The following CASZ1 variants were observed in gnomAD, a reference collection of about 807,000 sequenced individuals.
CASZ1 encodes castor zinc finger 1, also known as zinc finger protein castor homolog 1.
In CASZ1, 28 loss-of-function variants were observed where a neutral mutation model predicts 135.2. The ratio of observed to expected loss-of-function variants is 0.21; its 90% confidence interval spans 0.15 to 0.28. The LOEUF is 0.28. Ranked by LOEUF, CASZ1 falls within the 10% of genes least tolerant of loss-of-function variation. The probability of loss-of-function intolerance (pLI) is 1.00; values close to 1 mark genes in which losing one functional copy is unlikely to be tolerated. For synonymous variants in CASZ1, 1,068 were observed against 1,073.4 expected (o/e 0.99, Z 0.10); for missense variants, 2,161 against 2,453.3 (o/e 0.88, Z 2.52).
Position 10,638,971 on chromosome 1 carries a change from G to GGCCGGGGGCGCCCAGGGCC in CASZ1, c.5232_5250dup (p.Pro1751GlyfsTer82), listed in dbSNP as rs1642090024. The GGCCGGGGGCGCCCAGGGCC allele has an allele frequency of 1.0e-6, 1 of 981,294 alleles. No individual in the cohort carries two copies. The highest frequency in any genetic ancestry group is 1.2e-6 in the Non-Finnish European group (1 of 828,660). 60.8% of individuals were successfully genotyped at this position (981,294 alleles called of 1,614,324 possible). A position where few individuals can be genotyped will look rare whatever the true frequency, so the allele number is the denominator to read the frequency against. ...GGCGAGGAGGCTGCAGTGGGCGCGGGGCCGGGGGCGCCCAGGGCCGCCAGC... is the reference window on the plus strand; with the variant it reads ...GGCGAGGAGGCTGCAGTGGGCGCGGGGCCGGGGGCGCCCAGGGCCGCCGGGGGCGCCCAGGGCCGCCAGC... On this transcript the variant is annotated frameshift_variant, in exon 21 of 21. Transcript: ENST00000377022. LOFTEE classifies it high-confidence loss of function. The surrounding 1 kb of genome is among the most constrained non-coding windows in gnomAD (Gnocchi z 5.9).
chr1:10,702,962 C>CAGAGAGAG (rs142859359), intron 3 of CASZ1, among the ~76,000 whole-genome samples: 3,358 of 142,794 alleles, frequency 0.024, 99 homozygotes, highest in East Asian at 0.089. Flanking sequence ...GAGGGAGAGG[C>CAGAGAGAG]AGAGAGAGAG....
At chr1:10,659,148 G>A (rs775925841) in intron 6 of CASZ1, among the ~76,000 whole-genome samples, 3 of 152,128 alleles carry the variant, frequency 2.0e-5, no homozygotes, top group Non-Finnish European at 2.9e-5. Context: ...ACCTAACCCC[G>A]GTCACTACCT....
At chr1:10,682,404 C>T (rs1044035009) in intron 4 of CASZ1, among the ~76,000 whole-genome samples, 4 of 152,018 alleles carry the variant, frequency 2.6e-5, no homozygotes, top group African/African-American at 7.2e-5. Context: ...TCAAGGGCCC[C>T]GGAAGACTCC....
At chr1:10,712,854 T>C (rs1235120855) in intron 2 of CASZ1, among the ~76,000 whole-genome samples, 5 of 152,150 alleles carry the variant, frequency 3.3e-5, no homozygotes, top group African/African-American at 1.2e-4. Context: ...CCCAGATAAC[T>C]TTTGCTGCCG....
rs763476319 is a variant in CASZ1, at chr1:10,653,966, G to C, written c.2091C>G (p.Ile697Met). 3 of 1,613,928 alleles carry C rather than the reference G, an allele frequency of 1.9e-6. No individual in the cohort carries two copies. Among genetic ancestry groups the C allele is most frequent in the Middle Eastern group, 1.6e-4 (1 of 6,062 alleles). ...GCAGCCCCAGCGCGCCCGAGGAGCG[G>C]ATGTGCCGGCGCTCATGCTTGCGCT... ...SHKRKHERRH[I>M]RSSGALGLPP... Residue 697 changes from isoleucine to methionine, a missense_variant, in exon 11 of 21, where the codon ATC becomes ATG. By Grantham distance (10) the Ile-to-Met change is conservative. Coordinates refer to ENST00000377022, the MANE Select transcript of CASZ1 (RefSeq NM_001079843.3).
rs1025752227 is a variant in CASZ1, at chr1:10,647,120, T to TG, written c.3497+680dup. 2.7e-4 allele frequency: 105 copies of TG among 385,464 alleles called. No individual in the cohort carries two copies. The highest frequency in any genetic ancestry group is 3.0e-4 in the Non-Finnish European group (96 of 318,166). The allele number at this position is 385,464 out of a possible 1,614,324, so 23.9% of individuals were successfully genotyped here. ...GAGGAGGAGGGGGAGGGGAGGCTGG[T>TG]GGGGGGGACGGAGAACAGTGCTGGG... On this transcript the variant is annotated intron_variant, in intron 16 of 20. Coordinates refer to ENST00000377022, the MANE Select transcript of CASZ1 (RefSeq NM_001079843.3). The surrounding 1 kb of genome is among the most constrained non-coding windows in gnomAD (Gnocchi z 4.9).
chr1:10,692,112 C>G (rs547536229), intron 4 of CASZ1, among the ~76,000 whole-genome samples: 1 of 152,202 alleles, frequency 6.6e-6, no homozygotes, highest in Non-Finnish European at 1.5e-5. Flanking sequence ...TGCCTCCTAC[C>G]AGGGCTGGGA....
chr1:10,662,541 G>A (rs1570436719), intron 5 of CASZ1, among the ~76,000 whole-genome samples: 2 of 151,426 alleles, frequency 1.3e-5, no homozygotes, highest in East Asian at 3.9e-4. Context: ...CAACACACAT[G>A]CAATCACACA....
rs1639466811 is a variant in CASZ1, at chr1:10,720,000, G to A, written c.-76-14456C>T. On this transcript the variant is annotated intron_variant, in intron 2 of 20. Transcript: ENST00000377022. The surrounding 1 kb of genome is among the most constrained non-coding windows in gnomAD (Gnocchi z 4.0). Reference sequence around the variant, plus strand: ...GGTGTGTTTGCGCACAAAAAGAATAGTCAGCTGGGATCAAACCAGGAGCCA... The same window carrying A: ...GGTGTGTTTGCGCACAAAAAGAATAATCAGCTGGGATCAAACCAGGAGCCA... 6.6e-6 allele frequency among the ~76,000 whole-genome samples: 1 copy of A among 152,216 alleles called. No homozygotes were observed. Among genetic ancestry groups the A allele is most frequent in the African/African-American group, 2.4e-5 (1 of 41,460 alleles).
In CASZ1 at chr1:10,640,591, G is replaced by A. The variant is rs145693883; in HGVS notation, c.4163-532C>T. ...GGTGCCAAGTGCCCCAGGGCTGTGC[G>A]GGGCTGCAACTCCCTGCCCTAAGGA... On this transcript the variant is annotated intron_variant, in intron 20 of 20. Coordinates refer to ENST00000377022, the MANE Select transcript of CASZ1 (RefSeq NM_001079843.3). Among the ~76,000 whole-genome samples the A allele has an allele frequency of 4.5e-4, 68 of 152,300 alleles. 1 individual carries two copies. The East Asian group carries it at 0.01, about 23-fold the overall frequency.
rs150960730 is a variant in CASZ1, at chr1:10,724,372, C to G, written c.-76-18828G>C. On this transcript the variant is annotated intron_variant, in intron 2 of 20. Transcript: ENST00000377022. The surrounding 1 kb of genome is among the most constrained non-coding windows in gnomAD (Gnocchi z 4.1). ...GGCGAAGTGCCGAAGGTGCTTGGCA[C>G]CGAGTGTTTGCTTATTTACAAGGCT... Among the ~76,000 whole-genome samples, 5 of 152,276 alleles carry G rather than the reference C, an allele frequency of 3.3e-5. No homozygotes were observed. The highest frequency in any genetic ancestry group is 4.8e-5 in the African/African-American group (2 of 41,560).
intron 18 of CASZ1, among the ~76,000 whole-genome samples, chr1:10,643,696 G>A (rs372964146): frequency 2.6e-5 from 4 of 152,192 alleles, no homozygotes; most frequent in Non-Finnish European, 5.9e-5. Context: ...GGTGCTGTCT[G>A]CCCCTCTGCC....
intron 2 of CASZ1, among the ~76,000 whole-genome samples, chr1:10,748,874 G>A (rs1025350890): frequency 7.2e-5 from 11 of 152,258 alleles, no homozygotes; most frequent in Admixed American, 3.9e-4. Flanking sequence ...GGCAGAAGCA[G>A]CAGATGCGAA....
At position 10,703,616 on chromosome 1, in the gene CASZ1, CT is replaced by C. The variant is rs752618094; in HGVS notation, c.-24+1875del. On this transcript the variant is annotated intron_variant, in intron 3 of 20. Transcript: ENST00000377022. The stretch of plus-strand genomic sequence containing the variant: ...GGCTGCCAGTCCACGACCTGTGGGG[CT>C]TTTTTTTTCAAGGTGCTCCCTGGAA... 3.9e-4 allele frequency among the ~76,000 whole-genome samples: 59 copies of C among 151,178 alleles called. 2 individuals are homozygous for C. The East Asian group carries it at 4.1e-3, about 10-fold the overall frequency.
In CASZ1 at chr1:10,739,255, T is replaced by G. The variant is rs577748029; in HGVS notation, c.-77+21446A>C. On this transcript the variant is annotated intron_variant, in intron 2 of 20. Coordinates refer to ENST00000377022, the MANE Select transcript of CASZ1 (RefSeq NM_001079843.3). The surrounding 1 kb of genome is among the most constrained non-coding windows in gnomAD (Gnocchi z 4.8). Reference sequence around the variant, plus strand: ...GGGACGGGTGCATTCACGAGGGGGGTGTGTGCGCCTGGGGGTCACCCCTGC... The same window carrying G: ...GGGACGGGTGCATTCACGAGGGGGGGGTGTGCGCCTGGGGGTCACCCCTGC... Among the ~76,000 whole-genome samples the G allele has an allele frequency of 4.0e-4, 60 of 151,216 alleles. No homozygotes were observed. The highest frequency in any genetic ancestry group is 1.4e-3 in the African/African-American group (59 of 41,114).
intron 1 of CASZ1, among the ~76,000 whole-genome samples, chr1:10,793,751 T>A (rs1007312333): frequency 2.6e-5 from 4 of 151,684 alleles, no homozygotes; most frequent in African/African-American, 9.7e-5. Context: ...ATCTCTCCAA[T>A]TCGCCGGACT....
At chr1:10,690,531 G>A (rs1347026164) in intron 4 of CASZ1, among the ~76,000 whole-genome samples, 4 of 152,216 alleles carry the variant, frequency 2.6e-5, no homozygotes, top group South Asian at 4.1e-4. Context: ...GGCTGTCTGC[G>A]ATGGGGGATC....
intron 4 of CASZ1, among the ~76,000 whole-genome samples, chr1:10,688,152 GA>G (rs1003445175): frequency 4.6e-5 from 7 of 152,340 alleles, no homozygotes; most frequent in Non-Finnish European, 7.3e-5. Context: ...CGTGGCAGAG[GA>G]AAACAAGGGC....
At chr1:10,698,403 G>A (rs759236583) in intron 3 of CASZ1, among the ~76,000 whole-genome samples, 11 of 152,136 alleles carry the variant, frequency 7.2e-5, no homozygotes, top group South Asian at 4.1e-4. Context: ...CAGGGGTCCC[G>A]GTAATCAAAT....
Sources: allele counts gnomAD v4.1 joint callset (sites outside exome capture counted in the v4.1 genomes callset), GRCh38; gene constraint gnomAD v4.1.1; non-coding constraint Gnocchi (gnomAD v3.1); transcripts MANE v1.5; gene names NCBI Gene and HGNC (gene_info 2026-07-23, HGNC 2026-07-21).